Variants in TMEM178B observed in about 807,000 individuals in gnomAD.
TMEM178B encodes the protein transmembrane protein 178B.
TMEM178B carries 5 observed loss-of-function variants against 31.0 expected under a neutral mutation model. The observed-to-expected ratio is 0.16, with a 90% CI of 0.08 to 0.34. The LOEUF (loss-of-function observed/expected upper bound fraction) is 0.34. Ranked by LOEUF, TMEM178B falls within the 10% of genes least tolerant of loss-of-function variation. The pLI, the probability that TMEM178B is intolerant of heterozygous loss-of-function variation, is 1.00. For synonymous variants in TMEM178B, 164 were observed against 164.0 expected (o/e 1.00, Z 0.00); for missense variants, 275 against 400.3 (o/e 0.69, Z 2.67).
intron 2 of TMEM178B, among the ~76,000 whole-genome samples, chr7:141,403,063 T>C (rs2116622553): frequency 6.6e-6 from 1 of 152,340 alleles, no homozygotes. Context: ...TTTGTGGCTA[T>C]TTGAAAGATT....
chr7:141,216,395 A>C (rs533077198), intron 2 of TMEM178B, among the ~76,000 whole-genome samples: 1 of 151,602 alleles, frequency 6.6e-6, no homozygotes, highest in Non-Finnish European at 1.5e-5. Flanking sequence ...AATAAACTCC[A>C]TAGGGAGTAA....
chr7:141,100,382 G>A (rs192712418), intron 1 of TMEM178B, among the ~76,000 whole-genome samples: 2 of 152,168 alleles, frequency 1.3e-5, no homozygotes, highest in African/African-American at 2.4e-5. Context: ...CTCTGTATAA[G>A]TGTAAACACT....
chr7:141,145,644 T>C (rs1795838956), intron 1 of TMEM178B, among the ~76,000 whole-genome samples: 2 of 152,240 alleles, frequency 1.3e-5, no homozygotes, highest in African/African-American at 4.8e-5. Context: ...CATGAACGTG[T>C]ACAAGAATAT....
downstream of TMEM178B, among the ~76,000 whole-genome samples, chr7:141,481,981 A>G (rs925058393): frequency 2.6e-5 from 4 of 152,184 alleles, no homozygotes; most frequent in African/African-American, 9.7e-5. Context: ...TGCAGTTGCC[A>G]GCAGCTCTTT....
intron 2 of TMEM178B, among the ~76,000 whole-genome samples, chr7:141,228,449 G>A (rs953008328): frequency 6.6e-6 from 1 of 151,860 alleles, no homozygotes; most frequent in African/African-American, 2.4e-5. Context: ...AAATCAATGA[G>A]TAGCTATCAC....
intron 1 of TMEM178B, among the ~76,000 whole-genome samples, chr7:141,142,118 T>C (rs1166273960): frequency 1.3e-5 from 2 of 151,894 alleles, no homozygotes; most frequent in Admixed American, 6.5e-5. Flanking sequence ...ACCCAGTGTT[T>C]AGCACCCACT....
chr7:141,337,197 TCACCACCACCACCATCAC>T (rs1799432370), intron 2 of TMEM178B, among the ~76,000 whole-genome samples: 1 of 19,080 alleles, frequency 5.2e-5, no homozygotes, highest in African/African-American at 2.7e-4. Flanking sequence ...ACCACCACCA[TCACCACCACCACCATCAC>T]CACCACCACC....
chr7:141,372,805 A>T (rs759746772), intron 2 of TMEM178B, among the ~76,000 whole-genome samples: 17 of 152,208 alleles, frequency 1.1e-4, no homozygotes, highest in Non-Finnish European at 2.2e-4. Context: ...GAACTTGGTG[A>T]TTAGAGTTAC....
At chr7:141,489,221 C>T in the TMEM178B span, among the ~76,000 whole-genome samples, 2 of 152,200 alleles carry the variant, frequency 1.3e-5, no homozygotes, top group Non-Finnish European at 2.9e-5. Context: ...CATCAAAATA[C>T]TTCAGCTTGA....
At chr7:141,403,292 A>C (rs183428668) in intron 2 of TMEM178B, among the ~76,000 whole-genome samples, 12 of 152,294 alleles carry the variant, frequency 7.9e-5, no homozygotes, top group Admixed American at 4.6e-4. Flanking sequence ...TACTTGTGTG[A>C]TCCTGGACAT....
At chr7:141,418,542 C>A (rs1043050393) in intron 2 of TMEM178B, among the ~76,000 whole-genome samples, 2 of 152,112 alleles carry the variant, frequency 1.3e-5, no homozygotes, top group African/African-American at 4.8e-5. Context: ...ATCAGTGAAA[C>A]CTGTTAGTTC....
intron 2 of TMEM178B, among the ~76,000 whole-genome samples, chr7:141,282,541 G>T (rs1348927260): frequency 6.6e-6 from 1 of 152,240 alleles, no homozygotes; most frequent in Non-Finnish European, 1.5e-5. Context: ...GGCAATGCCT[G>T]ATAAATCTGG....
Position 141,074,470 on chromosome 7 carries a change from G to A in TMEM178B, c.160G>A (p.Gly54Ser). ...CTTCAACACCCGCCGGGTCGACCCC[G>A]GCTTCATTTACAACAATAACAACAA... Reference protein sequence around the residue: ...KAFNTRRVDPGFIYNNNNNLP... With the variant: ...KAFNTRRVDPSFIYNNNNNLP... The change falls in exon 1 of 4, where the codon GGC (glycine) becomes AGC (serine). Residue 54 changes from glycine to serine, a missense_variant. Coordinates refer to ENST00000565468, the MANE Select transcript of TMEM178B (RefSeq NM_001195278.2). The surrounding 1 kb of genome is among the most constrained non-coding windows in gnomAD (Gnocchi z 5.1). 6.5e-7 allele frequency: 1 copy of A among 1,536,084 alleles called. No homozygotes were observed. Among genetic ancestry groups the A allele is most frequent in the Non-Finnish European group, 8.7e-7 (1 of 1,146,858 alleles).
At chr7:141,229,100 G>GTGTGTGTGTGTGTGT (rs1554465447) in intron 2 of TMEM178B, among the ~76,000 whole-genome samples, 2 of 134,780 alleles carry the variant, frequency 1.5e-5, no homozygotes, top group African/African-American at 5.7e-5. Context: ...GTGTGTGTGT[G>GTGTGTGTGTGTGTGT]GTGTGTGTGT....
intron 2 of TMEM178B, among the ~76,000 whole-genome samples, chr7:141,245,594 C>G (rs1797717439): frequency 6.6e-6 from 1 of 152,150 alleles, no homozygotes; most frequent in African/African-American, 2.4e-5. Flanking sequence ...TCTGAGAATC[C>G]TCTCCTGCAA....
chr7:141,268,442 A>G (rs916050823), intron 2 of TMEM178B, among the ~76,000 whole-genome samples: 1 of 152,254 alleles, frequency 6.6e-6, no homozygotes, highest in Non-Finnish European at 1.5e-5. Flanking sequence ...GGTCATACAC[A>G]TCAATTTGTG....
At chr7:141,197,135 C>G (rs1796795858) in intron 1 of TMEM178B, among the ~76,000 whole-genome samples, 1 of 152,230 alleles carries the variant, frequency 6.6e-6, no homozygotes, top group South Asian at 2.1e-4. Context: ...ATAACAATAG[C>G]TATAACAATT....
At chr7:141,157,481 A>G (rs1244219434) in intron 1 of TMEM178B, among the ~76,000 whole-genome samples, 1 of 152,080 alleles carries the variant, frequency 6.6e-6, no homozygotes, top group Non-Finnish European at 1.5e-5. Flanking sequence ...ACAAGCAAAC[A>G]AATGAAACTC....
rs1799574412 is a variant in TMEM178B, at chr7:141,344,551, C to CCCTG, written c.497-93054_497-93053insGCCT. Among the ~76,000 whole-genome samples the CCCTG allele has an allele frequency of 6.6e-6, 1 of 150,862 alleles. No individual in the cohort carries two copies. The highest frequency in any genetic ancestry group is 2.4e-5 in the African/African-American group (1 of 40,942). ...AAAGCTGGGATTTTAGTTTCTCCCT[C>CCCTG]CCTCCCTCCATTCCTCCCTCCTCCC... On this transcript the variant is annotated intron_variant, in intron 2 of 3. Coordinates refer to ENST00000565468, the MANE Select transcript of TMEM178B (RefSeq NM_001195278.2). The surrounding 1 kb of genome is among the most constrained non-coding windows in gnomAD (Gnocchi z 4.1).
Sources: gnomAD v4.1 joint callset for allele counts (sites outside exome capture counted in the v4.1 genomes callset) on GRCh38, gnomAD v4.1.1 for gene constraint, Gnocchi (gnomAD v3.1) non-coding constraint, MANE v1.5 for transcripts, NCBI Gene and HGNC (gene_info 2026-07-23, HGNC 2026-07-21) for gene names.